The following HTR4 variants were observed in gnomAD, a reference collection of about 807,000 sequenced individuals.
The protein encoded by HTR4 is 5-hydroxytryptamine receptor 4.
HTR4 carries 16 observed loss-of-function variants against 36.8 expected under a neutral mutation model. That is an observed-to-expected ratio of 0.43 (90% CI 0.29 to 0.66). HTR4 has a LOEUF of 0.66. Among genes scored for constraint, HTR4 ranks in the 30% least tolerant of loss-of-function variants. The probability of loss-of-function intolerance (pLI) is 0.13; values close to 1 mark genes in which losing one functional copy is unlikely to be tolerated. For missense variants in HTR4, 438 were observed against 490.9 expected (o/e 0.89, Z 1.02); for synonymous variants, 189 against 185.1 (o/e 1.02, Z -0.17).
chr5:148,560,219 A>C (rs1215567627), intron 2 of HTR4, among the ~76,000 whole-genome samples: 3 of 151,336 alleles, frequency 2.0e-5, no homozygotes, highest in African/African-American at 7.3e-5. Flanking sequence ...AAAAAAAAAA[A>C]AAAAAAGAGG....
At chr5:148,488,529 A>C (rs1348655252) in intron 6 of HTR4, among the ~76,000 whole-genome samples, 1 of 152,236 alleles carries the variant, frequency 6.6e-6, no homozygotes, top group African/African-American at 2.4e-5. Context: ...ATGTTTATTT[A>C]GATTTAAAAC....
intron 2 of HTR4, chr5:148,628,555 T>C (rs1753207190): frequency 6.6e-6 from 1 of 152,206 alleles, no homozygotes; most frequent in African/African-American, 2.4e-5. Context: ...ATAGTTTGTC[T>C]TTGGAGAGTT....
At chr5:148,571,777 G>A (rs1411350739) in intron 2 of HTR4, among the ~76,000 whole-genome samples, 1 of 152,046 alleles carries the variant, frequency 6.6e-6, no homozygotes, top group Non-Finnish European at 1.5e-5. Context: ...GTTGGAGAGA[G>A]CAGCACAGGG....
chr5:148,510,605 G>A (rs1476020588), intron 5 of HTR4, among the ~76,000 whole-genome samples: 1 of 152,090 alleles, frequency 6.6e-6, no homozygotes, highest in African/African-American at 2.4e-5. Context: ...TAAATCTCTG[G>A]GCAATGAAGC....
At chr5:148,637,568 A>G (rs184301375) in intron 1 of HTR4, among the ~76,000 whole-genome samples, 2 of 152,290 alleles carry the variant, frequency 1.3e-5, no homozygotes, top group East Asian at 3.9e-4. Flanking sequence ...ATGCACACAC[A>G]TGCACACTTT....
chr5:148,528,017 A>C (rs1758366072), intron 4 of HTR4, among the ~76,000 whole-genome samples: 2 of 152,188 alleles, frequency 1.3e-5, no homozygotes, highest in Admixed American at 1.3e-4. Context: ...GGTGGAATAC[A>C]TCCAAACATG....
At chr5:148,464,799 T>C (rs1755380659) in intron 5 of HTR4, among the ~76,000 whole-genome samples, 1 of 152,186 alleles carries the variant, frequency 6.6e-6, no homozygotes, top group Non-Finnish European at 1.5e-5. Context: ...GGAGCTTTAT[T>C]TGTAATTGCT....
chr5:148,631,330 C>G (rs909511299), intron 2 of HTR4, among the ~76,000 whole-genome samples: 1 of 152,152 alleles, frequency 6.6e-6, no homozygotes, highest in African/African-American at 2.4e-5. Flanking sequence ...TACCCACTCA[C>G]TTTCTCCTTA....
At chr5:148,611,844 A>C (rs865916706) in intron 2 of HTR4, among the ~76,000 whole-genome samples, 2,083 of 151,518 alleles carry the variant, frequency 0.014, 21 homozygotes, top group Middle Eastern at 0.024. Flanking sequence ...TCTACCAAGC[A>C]AATGGAAAAC....
At chr5:148,463,225 T>C (rs1755330370) in intron 5 of HTR4, among the ~76,000 whole-genome samples, 2 of 135,576 alleles carry the variant, frequency 1.5e-5, no homozygotes, top group South Asian at 4.7e-4. Context: ...CAGGTTAGAG[T>C]GCAGTGGTAC....
At chr5:148,646,755 A>G (rs1753885774) in intron 1 of HTR4, among the ~76,000 whole-genome samples, 1 of 152,192 alleles carries the variant, frequency 6.6e-6, no homozygotes, top group South Asian at 2.1e-4. Flanking sequence ...CACGTGCATT[A>G]CTTCATTCAC....
intron 5 of HTR4, among the ~76,000 whole-genome samples, chr5:148,470,454 T>A (rs748583862): frequency 2.0e-5 from 3 of 152,080 alleles, no homozygotes; most frequent in Non-Finnish European, 2.9e-5. Flanking sequence ...TTTTTTAGAG[T>A]TAGCAAACTT....
chr5:148,596,901 A>C (rs1251769583), intron 2 of HTR4, among the ~76,000 whole-genome samples: 2 of 152,204 alleles, frequency 1.3e-5, no homozygotes, highest in Admixed American at 1.3e-4. Flanking sequence ...TGTGTAGCTA[A>C]TAGCCTTATG....
intron 5 of HTR4, among the ~76,000 whole-genome samples, chr5:148,521,416 G>A (rs911952482): frequency 1.3e-5 from 2 of 151,996 alleles, no homozygotes; most frequent in African/African-American, 2.4e-5. Flanking sequence ...GGCTTGAATA[G>A]GAGGGAACTC....
chr5:148,649,466 A>T (rs1055354844), intron 1 of HTR4, among the ~76,000 whole-genome samples: 2 of 152,206 alleles, frequency 1.3e-5, no homozygotes, highest in Non-Finnish European at 2.9e-5. Flanking sequence ...TACAAACTCG[A>T]TGGACAGATA....
chr5:148,523,408 AG>A, intron 4 of HTR4, 62 bp from the exon 5 acceptor site: 1 of 1,408,284 alleles, frequency 7.1e-7, no homozygotes, highest in Non-Finnish European at 9.6e-7. Flanking sequence ...GGGAGAGAAA[AG>A]AGAATATATG....
intron 6 of HTR4, among the ~76,000 whole-genome samples, chr5:148,502,837 G>T (rs548691041): frequency 6.6e-6 from 1 of 152,192 alleles, no homozygotes. Context: ...CGAGAACTAC[G>T]TGACAAATGC....
At chr5:148,582,971 G>A (rs567222510) in intron 2 of HTR4, among the ~76,000 whole-genome samples, 1 of 151,988 alleles carries the variant, frequency 6.6e-6, no homozygotes, top group East Asian at 1.9e-4. Flanking sequence ...CCAACACTAT[G>A]TTGAATAGCA....
intron 6 of HTR4, among the ~76,000 whole-genome samples, chr5:148,486,929 C>A (rs562070560): frequency 3.3e-4 from 50 of 152,272 alleles, no homozygotes; most frequent in Admixed American, 1.4e-3. Context: ...ACTGTCTCTC[C>A]TCAAACATAT....
Sources: allele counts gnomAD v4.1 joint callset (sites outside exome capture counted in the v4.1 genomes callset), GRCh38; gene constraint gnomAD v4.1.1; transcripts MANE v1.5; gene names NCBI Gene and HGNC (gene_info 2026-07-23, HGNC 2026-07-21).